Variants in SEMA4D observed in about 807,000 individuals in gnomAD.
The protein encoded by SEMA4D is semaphorin 4D.
Under a neutral mutation model 74.8 loss-of-function variants are expected in SEMA4D, and 22 were observed. That is an observed-to-expected ratio of 0.29 (90% CI 0.21 to 0.42). The LOEUF is 0.42. SEMA4D is among the 10% of genes least tolerant of loss of function. The pLI is 1.00. For synonymous variants in SEMA4D, 445 were observed against 463.7 expected, an observed-to-expected ratio of 0.96 and a Z score of 0.52; for missense variants, 937 against 1,118.4, an observed-to-expected ratio of 0.84 and a Z score of 2.31.
At chr9:89,400,708 A>T (rs575352365) in intron 4 of SEMA4D, among the ~76,000 whole-genome samples, 1 of 152,236 alleles carries the variant, frequency 6.6e-6, no homozygotes, top group Non-Finnish European at 1.5e-5. Flanking sequence ...CATAAGGACA[A>T]GGGAACGTAC....
chr9:89,395,296 A>G (rs1228832644), intron 6 of SEMA4D, among the ~76,000 whole-genome samples: 2 of 152,028 alleles, frequency 1.3e-5, no homozygotes, highest in African/African-American at 4.8e-5. Flanking sequence ...GTGGTGGCAC[A>G]TGCCTGTAAT....
chr9:89,436,391 T>C (rs1282150974), intron 2 of SEMA4D: 1 of 152,220 alleles, frequency 6.6e-6, no homozygotes, highest in African/African-American at 2.4e-5. Context: ...GGATGGATAC[T>C]CAGGACACCA....
In SEMA4D at chr9:89,379,579, C is replaced by T; in HGVS notation, c.1714G>A (p.Ala572Thr). ...RQHFFKHGGT[A>T]ELKCSQKSNL... is the part of the protein sequence containing the mutation. ...GATTTTTGGGAGCATTTCAGTTCCGCTGTGCCACCGTGCTTGAAAAAATGC... is the reference window on the plus strand; with the variant it reads ...GATTTTTGGGAGCATTTCAGTTCCGTTGTGCCACCGTGCTTGAAAAAATGC... Residue 572 changes from alanine to threonine, a missense_variant, in exon 16 of 16, where the codon GCG becomes ACG. By Grantham distance (58) the Ala-to-Thr change is moderately conservative. Transcript: ENST00000422704. 6.2e-7 allele frequency: 1 copy of T among 1,614,072 alleles called. No individual in the cohort carries two copies. Among genetic ancestry groups the T allele is most frequent in the South Asian group, 1.1e-5 (1 of 91,078 alleles).
At chr9:89,496,477 C>G (rs1039519719) in intron 1 of SEMA4D, among the ~76,000 whole-genome samples, 2 of 152,180 alleles carry the variant, frequency 1.3e-5, no homozygotes, top group Non-Finnish European at 2.9e-5. Flanking sequence ...GCTGAGTGTA[C>G]CACGTACACT....
chr9:89,430,456 C>CA (rs1389446425), intron 2 of SEMA4D, among the ~76,000 whole-genome samples: 4 of 152,186 alleles, frequency 2.6e-5, no homozygotes, highest in Admixed American at 6.5e-5. Flanking sequence ...CAGGAGCCTG[C>CA]AGAGGGGCAG....
At chr9:89,387,279 G>A in intron 12 of SEMA4D, 107 bp downstream of exon 12, 2 of 924,482 alleles carry the variant, frequency 2.2e-6, no homozygotes, top group Non-Finnish European at 3.2e-6. Flanking sequence ...TCACCTCGAG[G>A]GAGGCAATGG....
intron 2 of SEMA4D, chr9:89,418,562 G>A: frequency 3.2e-6 from 1 of 309,306 alleles, no homozygotes; most frequent in Non-Finnish European, 4.7e-6. Flanking sequence ...AAGCACTAAA[G>A]AGCTGTTCAT....
At chr9:89,376,840 C>A, downstream of SEMA4D, 1 of 1,548,518 alleles carries the variant, frequency 6.5e-7, no homozygotes, top group Non-Finnish European at 8.7e-7. Flanking sequence ...CACCTGTGGC[C>A]TGGCAGAAGA....
rs1369347365 is a variant in SEMA4D, at chr9:89,392,477, G to A, written c.568C>T (p.Arg190Ter). The change falls in exon 8 of 16, where the codon CGA (arginine) becomes TGA (stop). Residue 190 changes from arginine (R) to a stop codon, truncating the protein, a stop_gained. Transcript: ENST00000422704. LOFTEE classifies it high-confidence loss of function. The part of the protein sequence containing the change: ...NFLGSEPIIS[R>*]NSSHSPLRTE... Reference sequence around the variant, plus strand: ...CTCAGAGGACTGTGGGAAGAATTTCGGGAGATGATGGGTTCACTTCCCAAA... The same window carrying A: ...CTCAGAGGACTGTGGGAAGAATTTCAGGAGATGATGGGTTCACTTCCCAAA... The A allele has an allele frequency of 6.2e-7, 1 of 1,613,876 alleles. No homozygotes were observed. The highest frequency in any genetic ancestry group is 1.7e-5 in the Admixed American group (1 of 60,012).
chr9:89,391,532 T>A, intron 8 of SEMA4D, 117 bp from the exon 9 acceptor site: 1 of 935,678 alleles, frequency 1.1e-6, no homozygotes, highest in South Asian at 1.5e-5. Flanking sequence ...CCTGCAAGGA[T>A]GTCTGGAGTG....
At chr9:89,405,792 C>T in intron 2 of SEMA4D, 93 bp from the exon 3 acceptor site, 1 of 1,298,030 alleles carries the variant, frequency 7.7e-7, no homozygotes, top group Non-Finnish European at 9.8e-7. Context: ...CCTGGATCCT[C>T]ACCCGGGTCC....
In SEMA4D at chr9:89,470,323, A is replaced by G. The variant is rs988690448; in HGVS notation, c.-309-14370T>C. 5.2e-5 allele frequency among the ~76,000 whole-genome samples: 8 copies of G among 152,390 alleles called. No individual in the cohort carries two copies. In the East Asian group the frequency reaches 1.5e-3, roughly 29 times the overall value. On this transcript the variant is annotated intron_variant, in intron 1 of 15. Coordinates refer to ENST00000422704, the MANE Select transcript of SEMA4D (RefSeq NM_001371194.2). ...AAACAACTCAATTAAAATATGAGCAAGACTTCAACAGATACTTCACCAAAG... is the reference window on the plus strand; with the variant it reads ...AAACAACTCAATTAAAATATGAGCAGGACTTCAACAGATACTTCACCAAAG...
chr9:89,451,491 A>C (rs1304695118), intron 2 of SEMA4D, among the ~76,000 whole-genome samples: 1 of 152,192 alleles, frequency 6.6e-6, no homozygotes, highest in African/African-American at 2.4e-5. Context: ...CCTGAGCTGG[A>C]AGCTCAACTG....
chr9:89,407,313 CT>C (rs1554756675), intron 2 of SEMA4D, among the ~76,000 whole-genome samples: 5 of 134,974 alleles, frequency 3.7e-5, no homozygotes, highest in Non-Finnish European at 8.1e-5. Flanking sequence ...TCCCTCAGTC[CT>C]TCTCTTCCTG....
rs752783137 is a variant in SEMA4D at position 89,365,691 on chromosome 9, CA to C, written c.1883-1742del. The C allele has an allele frequency of 3.3e-5, 5 of 152,376 alleles. No homozygotes were observed. The East Asian group carries it at 7.7e-4, about 23-fold the overall frequency. 9.4% of individuals were successfully genotyped at this position (152,376 alleles called of 1,614,324 possible). ...AAAGAGTCCAAAGTACCTGCACACA[CA>C]AAAACTGGCCTTGTTCTCAGGTGTA... On this transcript the variant is annotated intron_variant, in intron 16 of 18. Coordinates refer to the SEMA4D transcript ENST00000339861.
intron 13 of SEMA4D, among the ~76,000 whole-genome samples, chr9:89,383,673 G>A (rs1362878967): frequency 6.6e-6 from 1 of 152,202 alleles, no homozygotes; most frequent in African/African-American, 2.4e-5. Context: ...CACTGGCTAT[G>A]TGAGACATCG....
intron 1 of SEMA4D, among the ~76,000 whole-genome samples, chr9:89,456,667 A>G (rs1588033698): frequency 6.6e-6 from 1 of 151,998 alleles, no homozygotes; most frequent in African/African-American, 2.4e-5. Context: ...TGTAACCTCC[A>G]CCTCCCAGGT....
intron 16 of SEMA4D, chr9:89,369,406 A>G (rs1309397327): frequency 6.6e-6 from 1 of 152,240 alleles, no homozygotes; most frequent in African/African-American, 2.4e-5. Flanking sequence ...TGGGGGAACC[A>G]TTATTAGCTT....
intron 1 of SEMA4D, among the ~76,000 whole-genome samples, chr9:89,497,133 A>C (rs1479512174): frequency 6.6e-6 from 1 of 152,158 alleles, no homozygotes; most frequent in East Asian, 1.9e-4. Flanking sequence ...CAAAATACTA[A>C]GCCAGAAAAT....
Sources: allele counts gnomAD v4.1 joint callset (sites outside exome capture counted in the v4.1 genomes callset), GRCh38; gene constraint gnomAD v4.1.1; transcripts MANE v1.5; gene names NCBI Gene and HGNC (gene_info 2026-07-23, HGNC 2026-07-21).